Variants in SCYL3 observed in about 807,000 individuals in gnomAD.
The protein encoded by SCYL3 is SCY1 like pseudokinase 3.
In SCYL3, 35 loss-of-function variants were observed where a neutral mutation model predicts 73.8. The ratio of observed to expected loss-of-function variants is 0.47; its 90% CI spans 0.36 to 0.63. The LOEUF is 0.63. Ranked by LOEUF, SCYL3 falls within the 20% of genes least tolerant of loss-of-function variation. The probability of loss-of-function intolerance (pLI) is 0.00; values close to 1 mark genes in which losing one functional copy is unlikely to be tolerated. For missense variants in SCYL3, 712 were observed against 798.9 expected (o/e 0.89, Z 1.31); for synonymous variants, 277 against 295.2 (o/e 0.94, Z 0.63).
intron 4 of SCYL3, among the ~76,000 whole-genome samples, chr1:169,875,640 T>C (rs1660743208): frequency 6.6e-6 from 1 of 152,190 alleles, no homozygotes; most frequent in African/African-American, 2.4e-5. Flanking sequence ...ACAAGACAGA[T>C]ACATAAAGGT....
intron 6 of SCYL3, 143 bp downstream of exon 6, chr1:169,870,112 G>A (rs932180145): frequency 1.8e-6 from 1 of 560,426 alleles, no homozygotes; most frequent in Admixed American, 3.6e-5. Flanking sequence ...ACTGTTCTTA[G>A]TATCTGCCCT....
chr1:169,870,490 A>G, intron 5 of SCYL3, 133 bp from the exon 6 acceptor site: 1 of 636,648 alleles, frequency 1.6e-6, no homozygotes, highest in East Asian at 2.9e-5. Context: ...ACATGAATGT[A>G]TAGATTCTTA....
At position 169,854,542 on chromosome 1, in the gene SCYL3, C is replaced by A; in HGVS notation, c.1735G>T (p.Asp579Tyr). Residue 579 changes from aspartate (D) to tyrosine (Y), a missense_variant, in exon 12 of 13, where the codon GAC becomes TAC. By Grantham distance (160) the Asp-to-Tyr change is radical. Transcript: ENST00000367771. The part of the protein sequence containing the change: ...ISLVQRGDDA[D>Y]QIEPPKVSSQ... ...GACACTTTTGGCGGCTCGATTTGGT[C>A]TGCGTCATCCCCCCTTTGTACAAGG... The A allele has an allele frequency of 6.2e-7, 1 of 1,613,894 alleles. No homozygotes were observed. The highest frequency in any genetic ancestry group is 1.1e-5 in the South Asian group (1 of 91,044).
At chr1:169,866,839 G>A (rs1660062912) in intron 8 of SCYL3, 57 bp downstream of exon 8, 1 of 943,716 alleles carries the variant, frequency 1.1e-6, no homozygotes, top group Non-Finnish European at 1.7e-6. Flanking sequence ...TACCTAAAGT[G>A]ATTATATGGA....
intron 3 of SCYL3, 64 bp downstream of exon 3, chr1:169,878,570 A>G: frequency 8.5e-6 from 11 of 1,297,988 alleles, no homozygotes; most frequent in Non-Finnish European, 1.1e-5. Context: ...GTATTACCAC[A>G]CACATCACCC....
rs146975568 is a variant in SCYL3 at position 169,865,907 on chromosome 1, A to G, written c.815+989T>C. On this transcript the variant is annotated intron_variant, in intron 8 of 12. Coordinates refer to ENST00000367771, the MANE Select transcript of SCYL3 (RefSeq NM_020423.7). ...CACTCCTTCCCACCAGCCCCCTTAT[A>G]AGGTCGGGTGCCCCAGGATTACAAT... is the stretch of plus-strand genomic sequence containing the variant. Among the ~76,000 whole-genome samples, 1,124 of 152,102 alleles carry G rather than the reference A, an allele frequency of 7.4e-3. 15 individuals are homozygous for G. The highest frequency in any genetic ancestry group is 0.026 in the African/African-American group (1,062 of 41,482).
At chr1:169,874,681 TTTGGGAGG>T (rs1660671592) in intron 4 of SCYL3, among the ~76,000 whole-genome samples, 2 of 152,104 alleles carry the variant, frequency 1.3e-5, no homozygotes, top group African/African-American at 4.8e-5. Flanking sequence ...ATCCCAGCAC[TTTGGGAGG>T]CTAAGGTGGG....
At chr1:169,894,247 T>G (rs1319245458), upstream of SCYL3, 8 of 152,340 alleles carry the variant, frequency 5.3e-5, no homozygotes, top group East Asian at 1.4e-3. Flanking sequence ...GCTGGCCACT[T>G]GTAGCAAACA....
At chr1:169,893,909 CT>C (rs1662275742), upstream of SCYL3, 1 of 152,570 alleles carries the variant, frequency 6.6e-6, no homozygotes, top group Admixed American at 6.5e-5. Flanking sequence ...CCACAATCTT[CT>C]GGGGGCCGGG....
chr1:169,889,631 G>A (rs1661926608), intron 1 of SCYL3, among the ~76,000 whole-genome samples: 1 of 152,116 alleles, frequency 6.6e-6, no homozygotes, highest in South Asian at 2.1e-4. Context: ...GAATTCAAAT[G>A]CAACTATGAC....
chr1:169,888,694 C>T lies in SCYL3; in HGVS notation c.147G>A (p.Lys49=). ...ATGGTACCTTGGCAGCTTTATTAAC[C>T]TTGTCTTCATTTTCTCTCTTATACA... ...VFVYKRENED[K]VNKAAKHLKT... Residue 49 remains lysine, a synonymous_variant, in exon 2 of 13, where the codon AAG becomes AAA. Transcript: ENST00000367771. 1.2e-6 allele frequency: 2 copies of T among 1,613,698 alleles called. No individual in the cohort carries two copies. Among genetic ancestry groups the T allele is most frequent in the Non-Finnish European group, 1.7e-6 (2 of 1,179,782 alleles).
chr1:169,869,090 G>A (rs764794152), intron 6 of SCYL3, 51 bp from the exon 7 acceptor site: 2 of 1,448,284 alleles, frequency 1.4e-6, no homozygotes, highest in African/African-American at 2.8e-5. Context: ...CTCTTTTCAG[G>A]ACCTCTATAG....
Position 169,854,979 on chromosome 1 carries a change from AT to A in SCYL3, c.1313-16del. 6.5e-7 allele frequency: 1 copy of A among 1,537,860 alleles called. No homozygotes were observed. The highest frequency in any genetic ancestry group is 8.9e-7 in the Non-Finnish European group (1 of 1,129,790). On this transcript the variant is annotated splice_polypyrimidine_tract_variant and intron_variant, in intron 11 of 12. Transcript: ENST00000367771. ...AAATGGATCGCCTGTAGGGAAAATAATTATTCTCATAAAATACTGGTTAAAG... is the reference window on the plus strand; with the variant it reads ...AAATGGATCGCCTGTAGGGAAAATAATATTCTCATAAAATACTGGTTAAAG...
In SCYL3 at chr1:169,853,338, C is replaced by CTCTT. The variant is rs1428185509; in HGVS notation, c.*371_*374dup. The CTCTT allele has an allele frequency of 6.2e-6, 2 of 322,824 alleles. No homozygotes were observed. Among genetic ancestry groups the CTCTT allele is most frequent in the African/African-American group, 2.2e-5 (1 of 46,456 alleles). 20.0% of individuals were successfully genotyped at this position (322,824 alleles called of 1,614,324 possible). A position where few individuals can be genotyped will look rare whatever the true frequency, so the allele number is the denominator to read the frequency against. On this transcript the variant is annotated 3_prime_UTR_variant, in exon 13 of 13. Transcript: ENST00000367771. Reference sequence around the variant, plus strand: ...AAGTTGTATTTCATAATAGAGCTTACTCTTATGTTAAAGAATGGCACAAAA... The same window carrying CTCTT: ...AAGTTGTATTTCATAATAGAGCTTACTCTTTCTTATGTTAAAGAATGGCACAAAA...
At chr1:169,855,783 T>G in intron 11 of SCYL3, 2 of 1,606,408 alleles carry the variant, frequency 1.2e-6, no homozygotes, top group Non-Finnish European at 1.7e-6. Flanking sequence ...CTATATAAAT[T>G]TAATATTTCT....
Position 169,868,944 on chromosome 1 carries a change from A to G in SCYL3, c.721T>C (p.Ser241Pro). 6.2e-7 allele frequency: 1 copy of G among 1,613,722 alleles called. No individual in the cohort carries two copies. Among genetic ancestry groups the G allele is most frequent in the Non-Finnish European group, 8.5e-7 (1 of 1,179,662 alleles). Residue 241 changes from serine (S) to proline (P), a missense_variant, in exon 7 of 13, where the codon TCT becomes CCT. Around this residue, in one of 2 missense-constraint regions of SCYL3, gnomAD observed 342 missense variants for 448.1 expected, o/e 0.76. Coordinates refer to ENST00000367771, the MANE Select transcript of SCYL3 (RefSeq NM_020423.7). The part of the protein sequence containing the change: ...KCRPALCTLL[S>P]HDFFRNDFLE... Reference sequence around the variant, plus strand: ...TGCCCTCACCTGAAGAAGTCATGAGATAGTAAGGTGCAGAGCGCTGGCCGA... The same window carrying G: ...TGCCCTCACCTGAAGAAGTCATGAGGTAGTAAGGTGCAGAGCGCTGGCCGA...
Position 169,888,676 on chromosome 1 carries a change from C to G in SCYL3, c.165G>C (p.Lys55Asn). The G allele has an allele frequency of 6.2e-7, 1 of 1,612,978 alleles. No individual in the cohort carries two copies. Among genetic ancestry groups the G allele is most frequent in the Non-Finnish European group, 8.5e-7 (1 of 1,179,326 alleles). Residue 55 changes from lysine to asparagine, a missense_variant and splice_region_variant, in exon 2 of 13, where the codon AAG becomes AAC. Lys to Asn is a moderately conservative substitution (Grantham distance 94). Around this residue, in one of 2 missense-constraint regions of SCYL3, gnomAD observed 342 missense variants for 448.1 expected, o/e 0.76. Transcript: ENST00000367771. ...ATTAAGTCGTCACCTATTATGGTACCTTGGCAGCTTTATTAACCTTGTCTT... is the reference window on the plus strand; with the variant it reads ...ATTAAGTCGTCACCTATTATGGTACGTTGGCAGCTTTATTAACCTTGTCTT... ...ENEDKVNKAA[K>N]HLKTLRHPCL...
At chr1:169,869,777 A>G (rs1209769888) in intron 6 of SCYL3, among the ~76,000 whole-genome samples, 2 of 152,228 alleles carry the variant, frequency 1.3e-5, no homozygotes, top group African/African-American at 4.8e-5. Context: ...GAGCTTTAAG[A>G]GGCAATGAAA....
Position 169,851,940 on chromosome 1 carries a change from T to C in SCYL3, c.*1773A>G. On this transcript the variant is annotated 3_prime_UTR_variant, in exon 13 of 13. Transcript: ENST00000367771. Reference sequence around the variant, plus strand: ...AGCAAAGAGGTCATCTTTACAGGTATGGGCTGATTTCAATAGGGGCCAAAC... The same window carrying C: ...AGCAAAGAGGTCATCTTTACAGGTACGGGCTGATTTCAATAGGGGCCAAAC... 1 of 1,614,072 alleles carries C rather than the reference T, an allele frequency of 6.2e-7. No individual in the cohort carries two copies. Among genetic ancestry groups the C allele is most frequent in the Non-Finnish European group, 8.5e-7 (1 of 1,179,936 alleles).
Sources: allele counts gnomAD v4.1 joint callset (sites outside exome capture counted in the v4.1 genomes callset), GRCh38; gene constraint gnomAD v4.1.1; regional missense constraint gnomAD v4.1.1; transcripts MANE v1.5; gene names NCBI Gene and HGNC (gene_info 2026-07-23, HGNC 2026-07-21).